ANK2: variants seen among roughly 807,000 people sequenced by gnomAD.
The protein encoded by ANK2 is ankyrin 2.
In ANK2, 83 loss-of-function variants were observed where a neutral mutation model predicts 360.5. That is an observed-to-expected ratio of 0.23 (90% CI 0.19 to 0.28). The LOEUF (loss-of-function observed/expected upper bound fraction) is 0.28, where lower values mean the gene tolerates loss of function less well. Ranked by LOEUF, ANK2 falls within the 10% of genes least tolerant of loss-of-function variation. The pLI is 1.00. For synonymous variants in ANK2, 1,740 were observed against 1,759.5 expected (o/e 0.99, Z 0.28); for missense variants, 4,201 against 4,795.7 (o/e 0.88, Z 3.66).
intron 2 of ANK2, among the ~76,000 whole-genome samples, chr4:113,014,368 A>G (rs937481011): frequency 6.6e-6 from 1 of 152,172 alleles, no homozygotes; most frequent in Non-Finnish European, 1.5e-5. Flanking sequence ...TGAAGGTTCT[A>G]TGACTTGCGA....
At chr4:112,914,055 T>G (rs752633244) in intron 2 of ANK2, among the ~76,000 whole-genome samples, 22 of 152,176 alleles carry the variant, frequency 1.4e-4, no homozygotes, top group Non-Finnish European at 2.6e-4. Flanking sequence ...TAGATTTTTA[T>G]TACCCTCCTT....
intron 1 of ANK2, among the ~76,000 whole-genome samples, chr4:112,854,569 T>C (rs1204513857): frequency 1.3e-5 from 2 of 152,052 alleles, no homozygotes. Context: ...ACTGTGAGAA[T>C]GAGAGGAGGT....
chr4:112,897,379 A>T (rs866651931), intron 1 of ANK2, among the ~76,000 whole-genome samples: 31 of 152,236 alleles, frequency 2.0e-4, no homozygotes, highest in Middle Eastern at 3.4e-3. Flanking sequence ...TAGGAGTTCA[A>T]ATGGAAAACA....
intron 2 of ANK2, among the ~76,000 whole-genome samples, chr4:113,006,283 A>G (rs1332112597): frequency 6.6e-6 from 1 of 152,226 alleles, no homozygotes; most frequent in Non-Finnish European, 1.5e-5. Flanking sequence ...TCATAAATAC[A>G]TAAATTATTA....
chr4:112,927,074 A>G (rs1016404085), intron 2 of ANK2, among the ~76,000 whole-genome samples: 7 of 152,176 alleles, frequency 4.6e-5, no homozygotes, highest in African/African-American at 1.4e-4. Context: ...ACTCATTATT[A>G]CAAGAATAGC....
Position 113,277,847 on chromosome 4 carries a change from C to G in ANK2, c.1694C>G (p.Thr565Ser), listed in dbSNP as rs2153698344. ...AHSLATKKGFTPLHVAAKYGS... is the reference protein window; with the variant it reads ...AHSLATKKGFSPLHVAAKYGS... ...TTCTCACATTTTCAGAAGGGTTTTA[C>G]TCCCCTGCATGTAGCAGCCAAGTAT... The change falls in exon 16 of 46, where the codon ACT (threonine) becomes AGT (serine). Residue 565 changes from threonine to serine, a missense_variant. Coordinates refer to ENST00000357077, the MANE Select transcript of ANK2 (RefSeq NM_001148.6). The G allele has an allele frequency of 6.2e-7, 1 of 1,613,010 alleles. No homozygotes were observed. Among genetic ancestry groups the G allele is most frequent in the Non-Finnish European group, 8.5e-7 (1 of 1,179,010 alleles).
chr4:112,975,380 A>G (rs2041030820), intron 2 of ANK2, among the ~76,000 whole-genome samples: 1 of 152,230 alleles, frequency 6.6e-6, no homozygotes, highest in South Asian at 2.1e-4. Context: ...CAGTACTTTC[A>G]GATTATCAAG....
At chr4:113,122,259 C>T (rs1359313583) in intron 1 of ANK2, among the ~76,000 whole-genome samples, 1 of 151,910 alleles carries the variant, frequency 6.6e-6, no homozygotes, top group Non-Finnish European at 1.5e-5. Context: ...CCTAGTCATC[C>T]CTCTCATTTT....
At chr4:113,004,762 G>T (rs937378250) in intron 2 of ANK2, among the ~76,000 whole-genome samples, 5 of 152,134 alleles carry the variant, frequency 3.3e-5, no homozygotes, top group Non-Finnish European at 7.3e-5. Context: ...GGCAGTGCAG[G>T]TTTGTCTACA....
chr4:113,220,555 A>G (rs1279931009), intron 4 of ANK2, among the ~76,000 whole-genome samples: 1 of 152,088 alleles, frequency 6.6e-6, no homozygotes, highest in Non-Finnish European at 1.5e-5. Flanking sequence ...TAAAATATTC[A>G]TTTGCTTTCT....
At chr4:112,958,048 A>C (rs183180262) in intron 2 of ANK2, among the ~76,000 whole-genome samples, 13,553 of 149,942 alleles carry the variant, frequency 0.09, 1,010 homozygotes, top group African/African-American at 0.21. Flanking sequence ...GTGGCCGGGA[A>C]GAGGCGCTCC....
At chr4:113,269,883 T>A (rs555941766) in intron 14 of ANK2, among the ~76,000 whole-genome samples, 1 of 152,264 alleles carries the variant, frequency 6.6e-6, no homozygotes, top group Non-Finnish European at 1.5e-5. Flanking sequence ...TCATGCAGAA[T>A]CCAGTGATAC....
upstream of ANK2, among the ~76,000 whole-genome samples, chr4:113,045,554 G>T (rs1384247950): frequency 1.3e-5 from 2 of 152,146 alleles, no homozygotes; most frequent in African/African-American, 2.4e-5. Context: ...ACCTTGTGTG[G>T]TTATGAGAAT....
chr4:113,175,257 T>A (rs2098147715), intron 2 of ANK2, among the ~76,000 whole-genome samples: 1 of 152,214 alleles, frequency 6.6e-6, no homozygotes, highest in African/African-American at 2.4e-5. Flanking sequence ...CACTACTGGA[T>A]TCTAAATTAT....
chr4:112,982,066 T>G (rs909836255), intron 2 of ANK2, among the ~76,000 whole-genome samples: 3 of 152,200 alleles, frequency 2.0e-5, no homozygotes, highest in African/African-American at 7.2e-5. Context: ...AGACAAGGTT[T>G]AAATGTTTAA....
At chr4:113,321,605 GT>G (rs1033427819) in intron 26 of ANK2, among the ~76,000 whole-genome samples, 6 of 152,002 alleles carry the variant, frequency 3.9e-5, no homozygotes, top group Admixed American at 1.3e-4. Flanking sequence ...TGTAGCAAGA[GT>G]TTTTTGTAAT....
intron 5 of ANK2, 43 bp from the exon 6 acceptor site, chr4:113,236,944 T>A: frequency 6.3e-7 from 1 of 1,587,074 alleles, no homozygotes; most frequent in East Asian, 2.2e-5. Flanking sequence ...ATCTCTAGCA[T>A]CTGAAGATGT....
intron 2 of ANK2, among the ~76,000 whole-genome samples, chr4:113,193,477 A>T (rs1295585076): frequency 6.6e-6 from 1 of 152,248 alleles, no homozygotes; most frequent in African/African-American, 2.4e-5. Context: ...AAAAGTGCAG[A>T]TAAAAGATAT....
the ANK2 span, among the ~76,000 whole-genome samples, chr4:112,760,251 A>T: frequency 3.4e-5 from 5 of 146,772 alleles, no homozygotes; most frequent in Admixed American, 6.9e-5. Context: ...CAGTGGCGCG[A>T]TATCGGCTCA....
Sources: gnomAD v4.1 joint callset for allele counts (sites outside exome capture counted in the v4.1 genomes callset) on GRCh38, gnomAD v4.1.1 for gene constraint, MANE v1.5 for transcripts, NCBI Gene and HGNC (gene_info 2026-07-23, HGNC 2026-07-21) for gene names.